The following POFUT1 variants were observed in gnomAD, a reference collection of about 807,000 sequenced individuals.
POFUT1 encodes GDP-fucose protein O-fucosyltransferase 1.
POFUT1 carries 16 observed loss-of-function variants against 42.4 expected under a neutral mutation model. That is an observed-to-expected ratio of 0.38 (90% confidence interval 0.26 to 0.57). The LOEUF (loss-of-function observed/expected upper bound fraction) is 0.57. Among genes scored for constraint, POFUT1 ranks in the 20% least tolerant of loss-of-function variants. The pLI, the probability that POFUT1 is intolerant of heterozygous loss-of-function variation, is 0.71. For synonymous variants in POFUT1, 206 were observed against 205.4 expected, an observed-to-expected ratio of 1.00 and a Z score of -0.03; for missense variants, 470 against 504.6, an observed-to-expected ratio of 0.93 and a Z score of 0.66.
chr20:32,232,555 GTAT>G (rs2047448653), intron 6 of POFUT1, among the ~76,000 whole-genome samples: 1 of 152,098 alleles, frequency 6.6e-6, no homozygotes, highest in African/African-American at 2.4e-5. Flanking sequence ...GATTAAACTG[GTAT>G]TATTTCTTTG....
chr20:32,214,824 C>G (rs549595438), intron 2 of POFUT1, among the ~76,000 whole-genome samples: 35 of 152,302 alleles, frequency 2.3e-4, no homozygotes, highest in African/African-American at 8.4e-4. Flanking sequence ...TCTATCCTAG[C>G]TTTGGCGTCT....
intron 1 of POFUT1, among the ~76,000 whole-genome samples, chr20:32,208,511 A>C (rs1170678923): frequency 6.6e-6 from 1 of 152,032 alleles, no homozygotes; most frequent in East Asian, 1.9e-4. Flanking sequence ...TTAGTTGGGG[A>C]AGACAAACAA....
Position 32,228,402 on chromosome 20 carries a change from G to T in POFUT1, c.682G>T (p.Ala228Ser), listed in dbSNP as rs2047425622. ...MVKTGEAQIH[A>S]HLVRPYVGIH... ...GAAGACGGGAGAGGCCCAGATTCAT[G>T]CCCACCTTGTCCGGCCCTATGTGGG... Residue 228 changes from alanine (A) to serine (S), a missense_variant, in exon 5 of 7, where the codon GCC (alanine) becomes TCC (serine). Transcript: ENST00000375749. 1 of 1,614,066 alleles carries T rather than the reference G, an allele frequency of 6.2e-7. No homozygotes were observed. The highest frequency in any genetic ancestry group is 1.3e-5 in the African/African-American group (1 of 74,942).
chr20:32,211,976 C>A (rs1005753604), intron 2 of POFUT1, among the ~76,000 whole-genome samples: 2 of 152,172 alleles, frequency 1.3e-5, no homozygotes, highest in African/African-American at 2.4e-5. Context: ...TTTCTGTTTG[C>A]TTACTAGCTA....
chr20:32,228,042 C>A (rs2047423447), intron 4 of POFUT1, among the ~76,000 whole-genome samples: 1 of 152,188 alleles, frequency 6.6e-6, no homozygotes. Flanking sequence ...GTTGTAAATT[C>A]CATGTGGCGG....
Position 32,228,285 on chromosome 20 carries a change from G to T in POFUT1, c.565G>T (p.Val189Leu), listed in dbSNP as rs200413750. The T allele has an allele frequency of 3.7e-6, 6 of 1,613,664 alleles. No homozygotes were observed. In the South Asian group the frequency reaches 5.5e-5, roughly 15 times the overall value. Reference protein sequence around the residue: ...SQRFSPKEHPVLALPGAPAQF... With the variant: ...SQRFSPKEHPLLALPGAPAQF... ...TAGATTTTCTCCAAAGGAACATCCGGTGCTTGCCCTGCCAGGAGCCCCAGC... is the reference window on the plus strand; with the variant it reads ...TAGATTTTCTCCAAAGGAACATCCGTTGCTTGCCCTGCCAGGAGCCCCAGC... Residue 189 changes from valine (V) to leucine (L), a missense_variant, in exon 5 of 7, where the codon GTG becomes TTG. Val to Leu is a conservative substitution (Grantham distance 32). Coordinates refer to ENST00000375749, the MANE Select transcript of POFUT1 (RefSeq NM_015352.2).
chr20:32,217,010 G>A (rs138462042), intron 4 of POFUT1: 17 of 1,613,684 alleles, frequency 1.1e-5, no homozygotes, highest in African/African-American at 2.7e-5. Flanking sequence ...TCCTCTAGGC[G>A]TGAGAATCAC....
At chr20:32,225,552 G>A (rs199635499) in intron 4 of POFUT1, among the ~76,000 whole-genome samples, 1 of 152,124 alleles carries the variant, frequency 6.6e-6, no homozygotes, top group African/African-American at 2.4e-5. Context: ...GCAGTGGCAC[G>A]ATCATGGCTG....
chr20:32,214,505 C>T (rs2047348267), intron 2 of POFUT1, among the ~76,000 whole-genome samples: 1 of 152,150 alleles, frequency 6.6e-6, no homozygotes, highest in Admixed American at 6.6e-5. Flanking sequence ...CTTCTGCTAC[C>T]GGCCGTGTAG....
chr20:32,214,446 A>G (rs1053168772), intron 2 of POFUT1, among the ~76,000 whole-genome samples: 2 of 152,112 alleles, frequency 1.3e-5, no homozygotes, highest in African/African-American at 4.8e-5. Context: ...TTTAAATTCT[A>G]TTAGATACTC....
chr20:32,230,591 A>G (rs1335828839), intron 5 of POFUT1, among the ~76,000 whole-genome samples: 1 of 151,018 alleles, frequency 6.6e-6, no homozygotes, highest in African/African-American at 2.4e-5. Flanking sequence ...GCTACTCGGG[A>G]GGCTGAGGCA....
At position 32,234,532 on chromosome 20, in the gene POFUT1, A is replaced by G; in HGVS notation, c.1038A>G (p.Gln346=). Residue 346 remains glutamine, a synonymous_variant, in exon 7 of 7, where the codon CAA becomes CAG. Transcript: ENST00000375749. The part of the protein sequence containing the change: ...VAQVDLYILG[Q]ADHFIGNCVS... ...AGGTCGACCTGTACATCCTCGGCCAAGCCGACCACTTTATTGGCAACTGTG... is the reference window on the plus strand; with the variant it reads ...AGGTCGACCTGTACATCCTCGGCCAGGCCGACCACTTTATTGGCAACTGTG... 6.2e-7 allele frequency: 1 copy of G among 1,614,158 alleles called. No individual in the cohort carries two copies. Among genetic ancestry groups the G allele is most frequent in the Non-Finnish European group, 8.5e-7 (1 of 1,179,970 alleles).
intron 4 of POFUT1, among the ~76,000 whole-genome samples, chr20:32,220,239 C>A (rs73237211): frequency 0.058 from 8,823 of 152,252 alleles, 908 homozygotes; most frequent in African/African-American, 0.2. Context: ...GTTAGCTGGG[C>A]AGTTATTGCT....
At chr20:32,225,209 A>G (rs2047408631) in intron 4 of POFUT1, among the ~76,000 whole-genome samples, 5 of 152,014 alleles carry the variant, frequency 3.3e-5, no homozygotes, top group Admixed American at 3.3e-4. Context: ...TTATTTTTTG[A>G]GACGGAGTCT....
Position 32,237,749 on chromosome 20 carries a change from T to G in POFUT1, c.*3088T>G, listed in dbSNP as rs1230894687. 1.9e-6 allele frequency: 1 copy of G among 533,656 alleles called. No individual in the cohort carries two copies. The highest frequency in any genetic ancestry group is 1.9e-5 in the Admixed American group (1 of 51,382). 33.1% of individuals were successfully genotyped at this position (533,656 alleles called of 1,614,324 possible). A position where few individuals can be genotyped will look rare whatever the true frequency, so the allele number is the denominator to read the frequency against. On this transcript the variant is annotated 3_prime_UTR_variant, in exon 7 of 7. Coordinates refer to ENST00000375749, the MANE Select transcript of POFUT1 (RefSeq NM_015352.2). ...CTGAGGAGGTTGGAGAGAGAAAGGG[T>G]GAAAGCAGAGAGACCAGTGCAGGGC... is the stretch of plus-strand genomic sequence containing the variant.
chr20:32,223,580 A>G (rs765657272), intron 4 of POFUT1: 3 of 985,332 alleles, frequency 3.0e-6, no homozygotes, highest in Non-Finnish European at 3.6e-6. Context: ...TCCTTTGAAA[A>G]TCCTTTTGAG....
intron 4 of POFUT1, among the ~76,000 whole-genome samples, chr20:32,225,082 A>G (rs1437636914): frequency 6.6e-6 from 1 of 152,220 alleles, no homozygotes; most frequent in Non-Finnish European, 1.5e-5. Context: ...TAGCCCTATA[A>G]ATGGATATAT....
intron 6 of POFUT1, among the ~76,000 whole-genome samples, chr20:32,233,513 C>T (rs2047453617): frequency 6.6e-6 from 1 of 152,084 alleles, no homozygotes; most frequent in Non-Finnish European, 1.5e-5. Context: ...AATAGGGCAT[C>T]ATTAAAGGGT....
rs201757734 is a variant in POFUT1 at position 32,228,461 on chromosome 20, T to C, written c.735+6T>C. 4.3e-5 allele frequency: 70 copies of C among 1,612,334 alleles called. No homozygotes were observed. The highest frequency in any genetic ancestry group is 1.7e-5 in the Admixed American group (1 of 59,946). Reference sequence around the variant, plus strand: ...TGCGCATTGGCTCTGACTGGGTAACTTCCCCCTTCCTCTCTCACTGGCTAA... The same window carrying C: ...TGCGCATTGGCTCTGACTGGGTAACCTCCCCCTTCCTCTCTCACTGGCTAA... On this transcript the variant is annotated splice_donor_region_variant and intron_variant, in intron 5 of 6. Coordinates refer to ENST00000375749, the MANE Select transcript of POFUT1 (RefSeq NM_015352.2).
Sources: allele counts gnomAD v4.1 joint callset (sites outside exome capture counted in the v4.1 genomes callset), GRCh38; gene constraint gnomAD v4.1.1; transcripts MANE v1.5; gene names NCBI Gene and HGNC (gene_info 2026-07-23, HGNC 2026-07-21).